DFFB: variants seen among roughly 807,000 people sequenced by gnomAD.
DFFB encodes DNA fragmentation factor 40 kDa subunit.
A neutral mutation model predicts 32.7 loss-of-function variants in DFFB; 29 were observed. That is an observed-to-expected ratio of 0.89 (90% confidence interval 0.66 to 1.21). DFFB has a LOEUF of 1.21. Among genes scored for constraint, DFFB ranks in the 50% most tolerant of loss-of-function variants. The pLI is 0.00. For missense variants in DFFB, 398 were observed against 440.6 expected (o/e 0.90, Z 0.87); for synonymous variants, 170 against 177.1 (o/e 0.96, Z 0.32).
chr1:3,870,254 C>T (rs1303929108), intron 5 of DFFB, among the ~76,000 whole-genome samples: 3 of 152,216 alleles, frequency 2.0e-5, no homozygotes, highest in African/African-American at 7.2e-5. Flanking sequence ...ACCCCTCCCC[C>T]TCCCATGGTG....
rs1570887439 is a variant in DFFB at position 3,858,848 on chromosome 1, A to T, written c.241+4A>T. 1 of 1,612,648 alleles carries T rather than the reference A, an allele frequency of 6.2e-7. No individual in the cohort carries two copies. The highest frequency in any genetic ancestry group is 1.3e-5 in the African/African-American group (1 of 74,692). On this transcript the variant is annotated splice_donor_region_variant and intron_variant, in intron 2 of 6. Coordinates refer to ENST00000378209, the MANE Select transcript of DFFB (RefSeq NM_004402.4). ...TTGGGCCAGGCCTGGCAGGGCTGTG[A>T]GTGGCAAGGACTTTGGAGGTGGGCG... is the stretch of plus-strand genomic sequence containing the variant.
chr1:3,881,459 C>A (rs1351882701), intron 6 of DFFB, among the ~76,000 whole-genome samples: 3 of 152,194 alleles, frequency 2.0e-5, no homozygotes, highest in Non-Finnish European at 2.9e-5. Flanking sequence ...GTCCCCTGGG[C>A]CTGTATCAGG....
chr1:3,881,713 T>C (rs1056726869), intron 6 of DFFB, among the ~76,000 whole-genome samples: 4 of 151,812 alleles, frequency 2.6e-5, no homozygotes, highest in African/African-American at 9.7e-5. Context: ...AAAATACAAA[T>C]ACAAAAATTA....
At chr1:3,859,344 C>T (rs776371728) in intron 2 of DFFB, among the ~76,000 whole-genome samples, 11 of 152,120 alleles carry the variant, frequency 7.2e-5, no homozygotes, top group Non-Finnish European at 1.2e-4. Flanking sequence ...GTGGTTCTTT[C>T]GGGGCATCTG....
At chr1:3,877,347 T>TTTTTTTGG (rs1645244737) in intron 6 of DFFB, among the ~76,000 whole-genome samples, 1 of 149,432 alleles carries the variant, frequency 6.7e-6, no homozygotes, top group Non-Finnish European at 1.5e-5. Flanking sequence ...TTTTTTTTTT[T>TTTTTTTGG]GAGGCAGAGT....
At chr1:3,871,855 A>G in intron 5 of DFFB, among the ~76,000 whole-genome samples, 1 of 152,206 alleles carries the variant, frequency 6.6e-6, no homozygotes, top group Non-Finnish European at 1.5e-5. Flanking sequence ...AAGGGGAGGC[A>G]GGAGCAGGCA....
chr1:3,857,681 C>T lies in DFFB; in HGVS notation c.78C>T (p.Cys26=), dbSNP rs758561293. Residue 26 remains cysteine (C), a synonymous_variant, in exon 1 of 7, where the codon TGC becomes TGT. Coordinates refer to ENST00000378209, the MANE Select transcript of DFFB (RefSeq NM_004402.4). ...PRKFGVAGRS[C]QEVLRKGCLR... ...AGTTCGGCGTGGCTGGCCGGAGCTG[C>T]CAGGAGGTGCTGCGCAAGGGCTGTC... 3 of 1,586,182 alleles carry T rather than the reference C, an allele frequency of 1.9e-6. No individual in the cohort carries two copies. Among genetic ancestry groups the T allele is most frequent in the South Asian group, 2.3e-5 (2 of 86,800 alleles).
chr1:3,858,939 C>G, intron 2 of DFFB, 95 bp downstream of exon 2: 1 of 1,537,586 alleles, frequency 6.5e-7, no homozygotes, highest in Non-Finnish European at 8.7e-7. Flanking sequence ...GGGGAAGAGT[C>G]CCCCTTACTG....
At chr1:3,870,467 G>A (rs35204761) in intron 5 of DFFB, among the ~76,000 whole-genome samples, 13,845 of 152,236 alleles carry the variant, frequency 0.091, 824 homozygotes, top group Non-Finnish European at 0.13. Flanking sequence ...GGGGTGATGG[G>A]CTCTGGCCAT....
chr1:3,872,562 C>T lies in DFFB; in HGVS notation c.772C>T (p.Leu258=), dbSNP rs762248280. 6.2e-7 allele frequency: 1 copy of T among 1,613,268 alleles called. No individual in the cohort carries two copies. The highest frequency in any genetic ancestry group is 8.5e-7 in the Non-Finnish European group (1 of 1,179,862). Residue 258 remains leucine, a synonymous_variant, in exon 6 of 7, where the codon CTG becomes TTG. Coordinates refer to ENST00000378209, the MANE Select transcript of DFFB (RefSeq NM_004402.4). ...ESRILFSTWN[L]DHIIEKKRTI... The stretch of plus-strand genomic sequence containing the variant: ...CAGGATCCTCTTCAGCACCTGGAAC[C>T]TGGATCACATGTAAGCTCACAGAGC...
rs1293269732 is a variant in DFFB at position 3,869,789 on chromosome 1, C to T, written c.681+14C>T. ...TTCTCCTGCCAGGTGAGCTGTGTGC[C>T]CTTTATCCTGGGGCCACCCGGCTGG... On this transcript the variant is annotated intron_variant, in intron 5 of 6. Coordinates refer to ENST00000378209, the MANE Select transcript of DFFB (RefSeq NM_004402.4). The T allele has an allele frequency of 6.3e-6, 10 of 1,583,650 alleles. No homozygotes were observed. The highest frequency in any genetic ancestry group is 8.6e-6 in the Non-Finnish European group (10 of 1,160,210).
At chr1:3,862,394 A>C (rs1644894647) in intron 2 of DFFB, among the ~76,000 whole-genome samples, 1 of 152,220 alleles carries the variant, frequency 6.6e-6, no homozygotes, top group African/African-American at 2.4e-5. Flanking sequence ...GAATTGCAAG[A>C]GACCCAGAAT....
rs1644955808 is a variant in DFFB, at chr1:3,865,371, T to C, written c.242-441T>C. 6.6e-6 allele frequency among the ~76,000 whole-genome samples: 1 copy of C among 152,184 alleles called. No individual in the cohort carries two copies. The highest frequency in any genetic ancestry group is 1.5e-5 in the Non-Finnish European group (1 of 68,030). Reference sequence around the variant, plus strand: ...GCTAACATTTTGTTAAGGTCCTGGGTAGACTTTGCTTTAACTTCCTATTAA... The same window carrying C: ...GCTAACATTTTGTTAAGGTCCTGGGCAGACTTTGCTTTAACTTCCTATTAA... On this transcript the variant is annotated intron_variant, in intron 2 of 6. Coordinates refer to ENST00000378209, the MANE Select transcript of DFFB (RefSeq NM_004402.4). The surrounding 1 kb of genome is among the most constrained non-coding windows in gnomAD (Gnocchi z 4.7).
intron 2 of DFFB, among the ~76,000 whole-genome samples, 190 bp downstream of exon 2, chr1:3,859,034 T>G (rs541704619): frequency 4.3e-4 from 65 of 152,330 alleles, no homozygotes; most frequent in Non-Finnish European, 5.7e-4. Context: ...AGTCCTCTCG[T>G]TCATGAACCC....
rs1645083629 is a variant in DFFB, at chr1:3,870,201, CT to C, written c.681+429del. ...TGCACCGTGCTAGGCGTGGTCTGGC[CT>C]TTAGTGGTGATGCATCTGTGTCTCT... On this transcript the variant is annotated intron_variant, in intron 5 of 6. Transcript: ENST00000378209. 2.0e-5 allele frequency among the ~76,000 whole-genome samples: 3 copies of C among 152,340 alleles called. No homozygotes were observed. The East Asian group carries it at 5.8e-4, about 29-fold the overall frequency.
At chr1:3,868,381 A>G (rs1645026124) in intron 4 of DFFB, among the ~76,000 whole-genome samples, 1 of 152,002 alleles carries the variant, frequency 6.6e-6, no homozygotes, top group African/African-American at 2.4e-5. Context: ...GCGTCACGGC[A>G]GACACAGAGC....
chr1:3,862,058 TATAGAA>T (rs1262318076), intron 2 of DFFB, among the ~76,000 whole-genome samples: 10 of 152,278 alleles, frequency 6.6e-5, no homozygotes, highest in Middle Eastern at 6.8e-3. Context: ...CATATGCAAA[TATAGAA>T]ATACACTTCC....
rs746930748 is a variant in DFFB, at chr1:3,865,905, C to T, written c.335C>T (p.Ala112Val). Residue 112 changes from alanine to valine, a missense_variant, in exon 3 of 7, where the codon GCC becomes GTC. Ala to Val is a moderately conservative substitution (Grantham distance 64). Coordinates refer to ENST00000378209, the MANE Select transcript of DFFB (RefSeq NM_004402.4). The surrounding 1 kb of genome is among the most constrained non-coding windows in gnomAD (Gnocchi z 4.7). ...AAQQLLCDEQ[A>V]PQRQRLLADL... ...CAGCAGCTGCTGTGTGATGAGCAGG[C>T]CCCACAGAGGCAGAGGCTGCTGGCT... 1 of 1,613,094 alleles carries T rather than the reference C, an allele frequency of 6.2e-7. No homozygotes were observed. The highest frequency in any genetic ancestry group is 8.5e-7 in the Non-Finnish European group (1 of 1,179,354).
At chr1:3,876,393 C>T (rs142131272) in intron 6 of DFFB, among the ~76,000 whole-genome samples, 158 of 152,246 alleles carry the variant, frequency 1.0e-3, no homozygotes, top group African/African-American at 3.6e-3. Flanking sequence ...GAATGTTTCA[C>T]CAAGTGTTTG....
Sources: allele counts gnomAD v4.1 joint callset (sites outside exome capture counted in the v4.1 genomes callset), GRCh38; gene constraint gnomAD v4.1.1; non-coding constraint Gnocchi (gnomAD v3.1); transcripts MANE v1.5; gene names NCBI Gene and HGNC (gene_info 2026-07-23, HGNC 2026-07-21).